The following TEX9 variants were observed in gnomAD, a reference collection of about 807,000 sequenced individuals.
The protein encoded by TEX9 is testis expressed 9.
A neutral mutation model predicts 59.6 loss-of-function variants in TEX9; 74 were observed. The observed-to-expected ratio is 1.24, with a 90% CI of 1.03 to 1.51. The LOEUF (loss-of-function observed/expected upper bound fraction) is 1.51, where lower values mean the gene tolerates loss of function less well. TEX9 is among the 40% of genes most tolerant of loss of function. The pLI is 0.00. For missense variants in TEX9, 522 were observed against 447.8 expected (o/e 1.17, Z -1.49); for synonymous variants, 186 against 152.2 (o/e 1.22, Z -1.64).
intron 1 of TEX9, among the ~76,000 whole-genome samples, chr15:56,271,800 A>T (rs1026982895): frequency 1.3e-5 from 2 of 152,204 alleles, no homozygotes; most frequent in African/African-American, 2.4e-5. Context: ...AATTATTAAA[A>T]TTTAGAAAAA....
upstream of TEX9, among the ~76,000 whole-genome samples, chr15:56,362,076 G>A (rs1167693654): frequency 1.3e-5 from 2 of 152,122 alleles, no homozygotes; most frequent in African/African-American, 4.8e-5. Flanking sequence ...TGGCTAGAAT[G>A]TGTTCTAGCT....
In TEX9 at chr15:56,330,101, TG is replaced by T. The variant is rs573975840; in HGVS notation, c.-106-43337del. Among the ~76,000 whole-genome samples the T allele has an allele frequency of 1.8e-4, 28 of 151,914 alleles. No individual in the cohort carries two copies. The East Asian group carries it at 5.0e-3, about 27-fold the overall frequency. On this transcript the variant is annotated intron_variant, in intron 1 of 5. Coordinates refer to the TEX9 transcript ENST00000560827. ...AGCAGACTTCTCCATGGAAACCTTA[TG>T]GGCCAGGAGAGAGTGCCATGACATA...
At chr15:56,361,370 A>G (rs2046785704), upstream of TEX9, among the ~76,000 whole-genome samples, 1 of 152,180 alleles carries the variant, frequency 6.6e-6, no homozygotes, top group African/African-American at 2.4e-5. Flanking sequence ...CTTTCATAAC[A>G]TTCCACAGGT....
intron 1 of TEX9, among the ~76,000 whole-genome samples, chr15:56,292,893 T>A (rs1441917232): frequency 1.3e-5 from 2 of 152,202 alleles, no homozygotes; most frequent in African/African-American, 4.8e-5. Flanking sequence ...TCTCAACTTT[T>A]CACACTCATT....
chr15:56,440,752 C>A (rs2050802982), intron 12 of TEX9, among the ~76,000 whole-genome samples: 1 of 152,254 alleles, frequency 6.6e-6, no homozygotes, highest in East Asian at 1.9e-4. Flanking sequence ...ATATAACATT[C>A]CTGAGGCACA....
At position 56,444,598 on chromosome 15, in the gene TEX9, C is replaced by A. The variant is rs532301407; in HGVS notation, c.*30-1073C>A. On this transcript the variant is annotated intron_variant, in intron 12 of 12. Coordinates refer to ENST00000352903, the Ensembl canonical transcript of TEX9. ...TGTGCTTTCGCTTTGTTTCGTTTGT[C>A]TTCTGCAGCATTCTCTTCCTTTATT... 14 of 1,613,038 alleles carry A rather than the reference C, an allele frequency of 8.7e-6. No homozygotes were observed. In the South Asian group the frequency reaches 1.5e-4, roughly 18 times the overall value.
chr15:56,380,615 G>C (rs1271926187), intron 3 of TEX9, among the ~76,000 whole-genome samples: 1 of 152,118 alleles, frequency 6.6e-6, no homozygotes, highest in East Asian at 1.9e-4. Flanking sequence ...TTGATGGAAT[G>C]CCTCAACTTT....
chr15:56,317,066 G>T (rs1013443454), intron 1 of TEX9, among the ~76,000 whole-genome samples: 2 of 152,190 alleles, frequency 1.3e-5, no homozygotes, highest in African/African-American at 4.8e-5. Flanking sequence ...TCCCTAGTGA[G>T]ATGAACCCGG....
chr15:56,381,886 A>C (rs538692756), intron 3 of TEX9, among the ~76,000 whole-genome samples: 4 of 152,306 alleles, frequency 2.6e-5, no homozygotes, highest in Admixed American at 2.0e-4. Context: ...TCAAGGCCCT[A>C]GAGCTCTACA....
intron 12 of TEX9, chr15:56,443,683 T>C (rs2050857220): frequency 1.2e-6 from 2 of 1,613,480 alleles, no homozygotes; most frequent in African/African-American, 1.3e-5. Context: ...CTTGAACTTT[T>C]GCCATCCGAT....
intron 3 of TEX9, 29 bp downstream of exon 3, chr15:56,373,533 C>G: frequency 6.7e-7 from 1 of 1,489,068 alleles, no homozygotes; most frequent in South Asian, 1.3e-5. Context: ...ATTAATAATT[C>G]TATATAAATG....
At chr15:56,457,078 G>C in the TEX9 span, among the ~76,000 whole-genome samples, 4 of 152,050 alleles carry the variant, frequency 2.6e-5, no homozygotes, top group Non-Finnish European at 4.4e-5. Context: ...TCCACATATT[G>C]CATCTAATTA....
At chr15:56,302,595 C>T (rs540223038) in intron 1 of TEX9, among the ~76,000 whole-genome samples, 115 of 150,788 alleles carry the variant, frequency 7.6e-4, no homozygotes, top group African/African-American at 2.7e-3. Context: ...AACATACTGC[C>T]AGAAAAAAAA....
At chr15:56,407,293 A>G (rs1196355468) in intron 9 of TEX9, among the ~76,000 whole-genome samples, 3 of 152,114 alleles carry the variant, frequency 2.0e-5, no homozygotes. Context: ...TTATATTGAT[A>G]TATGCATTTG....
intron 1 of TEX9, among the ~76,000 whole-genome samples, chr15:56,302,445 C>A (rs993198922): frequency 6.6e-6 from 1 of 151,998 alleles, no homozygotes; most frequent in African/African-American, 2.4e-5. Context: ...CACTTGAGCC[C>A]AGGAGATCAA....
intron 12 of TEX9, among the ~76,000 whole-genome samples, chr15:56,442,740 GTAGACA>G (rs1412603631): frequency 6.6e-6 from 1 of 152,068 alleles, no homozygotes; most frequent in East Asian, 1.9e-4. Flanking sequence ...CTACTTGAGG[GTAGACA>G]TAGGAGGAGG....
intron 1 of TEX9, among the ~76,000 whole-genome samples, chr15:56,247,842 T>C (rs1175903761): frequency 6.6e-6 from 1 of 152,156 alleles, no homozygotes; most frequent in Non-Finnish European, 1.5e-5. Context: ...AATATAAAAA[T>C]AAAATACTCC....
At chr15:56,343,888 G>A (rs1032924238) in intron 1 of TEX9, among the ~76,000 whole-genome samples, 6 of 152,064 alleles carry the variant, frequency 3.9e-5, no homozygotes, top group South Asian at 2.1e-4. Flanking sequence ...CAAAGAAAAC[G>A]TAAAAATGGA....
intron 1 of TEX9, among the ~76,000 whole-genome samples, chr15:56,273,654 TG>T (rs1473199867): frequency 6.6e-6 from 1 of 152,260 alleles, no homozygotes; most frequent in Non-Finnish European, 1.5e-5. Context: ...TGTTTATTTT[TG>T]TCTGAAAGTC....
Sources: gnomAD v4.1 joint callset for allele counts (sites outside exome capture counted in the v4.1 genomes callset) on GRCh38, gnomAD v4.1.1 for gene constraint, MANE v1.5 for transcripts, NCBI Gene and HGNC (gene_info 2026-07-23, HGNC 2026-07-21) for gene names.